Variants in DPP9 observed in about 807,000 individuals in gnomAD.
The protein encoded by DPP9 is dipeptidyl peptidase 9.
Under a neutral mutation model 110.7 loss-of-function variants are expected in DPP9, and 50 were observed. That is an observed-to-expected ratio of 0.45 (90% CI 0.36 to 0.57). DPP9 has a LOEUF of 0.57. Among genes scored for constraint, DPP9 ranks in the 20% least tolerant of loss-of-function variants. DPP9 has a pLI of 0.00. For missense variants in DPP9, 1,022 were observed against 1,217.9 expected (o/e 0.84, Z 2.39); for synonymous variants, 561 against 514.4 (o/e 1.09, Z -1.23).
chr19:4,703,723 C>A (rs370095921), intron 7 of DPP9, among the ~76,000 whole-genome samples, 163 bp downstream of exon 7: 5 of 150,886 alleles, frequency 3.3e-5, no homozygotes, highest in South Asian at 4.2e-4. Context: ...GCGGCAGGGA[C>A]GCCAGGACCT....
At position 4,718,680 on chromosome 19, in the gene DPP9, G is replaced by C. The variant is rs551148211; in HGVS notation, c.56+1171C>G. Among the ~76,000 whole-genome samples the C allele has an allele frequency of 6.6e-6, 1 of 152,278 alleles. No individual in the cohort carries two copies. Among genetic ancestry groups the C allele is most frequent in the African/African-American group, 2.4e-5 (1 of 41,566 alleles). The stretch of plus-strand genomic sequence containing the variant: ...ATTAAGTGTGTGCAGATAAGGGAAG[G>C]GACACAGATCCCCTTCAGTAACTGA... On this transcript the variant is annotated intron_variant, in intron 3 of 21. Coordinates refer to ENST00000262960, the MANE Select transcript of DPP9 (RefSeq NM_139159.5). This position sits in a 1 kb window ranked among gnomAD's most constrained non-coding sequence, Gnocchi z 4.3.
chr19:4,689,550 G>A lies in DPP9; in HGVS notation c.1749+20C>T, dbSNP rs367966300. ...TGTTGGACGGGCACAGGGCGGTGCC[G>A]TGAGGCTGGGCGGTCCCACCTGGCT... On this transcript the variant is annotated intron_variant, in intron 15 of 21. Coordinates refer to ENST00000262960, the MANE Select transcript of DPP9 (RefSeq NM_139159.5). This position sits in a 1 kb window ranked among gnomAD's most constrained non-coding sequence, Gnocchi z 7.0. 8.4e-5 allele frequency: 130 copies of A among 1,546,338 alleles called. No homozygotes were observed. The highest frequency in any genetic ancestry group is 1.1e-4 in the Non-Finnish European group (126 of 1,149,588).
In DPP9 at chr19:4,694,386, C is replaced by T; in HGVS notation, c.1516+275G>A. 2 of 525,500 alleles carry T rather than the reference C, an allele frequency of 3.8e-6. No homozygotes were observed. The highest frequency in any genetic ancestry group is 1.9e-5 in the African/African-American group (1 of 52,058). The allele number at this position is 525,500 out of a possible 1,614,324, so 32.6% of individuals were successfully genotyped here. On this transcript the variant is annotated intron_variant, in intron 13 of 21. Coordinates refer to ENST00000262960, the MANE Select transcript of DPP9 (RefSeq NM_139159.5). The surrounding 1 kb of genome is among the most constrained non-coding windows in gnomAD (Gnocchi z 4.0). ...AACACAGGTGGTGGGCCGGATTTGA[C>T]CTGTGGGCCGTAGGTGGCCAACCCC... is the stretch of plus-strand genomic sequence containing the variant.
In DPP9 at chr19:4,694,277, TCTG is replaced by T; in HGVS notation, c.1516+381_1516+383del. 2.6e-6 allele frequency: 1 copy of T among 380,212 alleles called. No individual in the cohort carries two copies. The highest frequency in any genetic ancestry group is 4.7e-6 in the Non-Finnish European group (1 of 211,994). The allele number at this position is 380,212 out of a possible 1,614,324, so 23.6% of individuals were successfully genotyped here. Reference sequence around the variant, plus strand: ...ACAGTTTCTGCTGGGACTACCCAGTTCTGCTGCTGCAGCACAAAAGCGACCACA... The same window carrying T: ...ACAGTTTCTGCTGGGACTACCCAGTTCTGCTGCAGCACAAAAGCGACCACA... On this transcript the variant is annotated intron_variant, in intron 13 of 21. Coordinates refer to ENST00000262960, the MANE Select transcript of DPP9 (RefSeq NM_139159.5). This position sits in a 1 kb window ranked among gnomAD's most constrained non-coding sequence, Gnocchi z 4.0.
rs1228070068 is a variant in DPP9 at position 4,684,953 on chromosome 19, G to A, written c.2032-144C>T. 2 of 1,072,670 alleles carry A rather than the reference G, an allele frequency of 1.9e-6. No homozygotes were observed. Among genetic ancestry groups the A allele is most frequent in the Admixed American group, 2.0e-5 (1 of 50,300 alleles). 66.4% of individuals were successfully genotyped at this position (1,072,670 alleles called of 1,614,324 possible). A position where few individuals can be genotyped will look rare whatever the true frequency, so the allele number is the denominator to read the frequency against. ...CACCTGTGCCCCGGAGGCTCTGGAT[G>A]GACACCTGGGAGTGGCAAGGCGGGA... is the stretch of plus-strand genomic sequence containing the variant. On this transcript the variant is annotated intron_variant, in intron 17 of 21. Coordinates refer to ENST00000262960, the MANE Select transcript of DPP9 (RefSeq NM_139159.5). This position sits in a 1 kb window ranked among gnomAD's most constrained non-coding sequence, Gnocchi z 4.8.
In DPP9 at chr19:4,679,811, CCG is replaced by C. The variant is rs760849482; in HGVS notation, c.2586+22_2586+23del. Reference sequence around the variant, plus strand: ...AGGGATCTGTCGGCTCGCGGAGGGGCCGAAGCCCCCAACAGCCACCCACCTGG... The same window carrying C: ...AGGGATCTGTCGGCTCGCGGAGGGGCAAGCCCCCAACAGCCACCCACCTGG... On this transcript the variant is annotated intron_variant, in intron 21 of 21. Transcript: ENST00000262960. 7 of 1,542,266 alleles carry C rather than the reference CCG, an allele frequency of 4.5e-6. No individual in the cohort carries two copies. In the African/African-American group the frequency reaches 8.2e-5, roughly 18 times the overall value.
Position 4,698,479 on chromosome 19 carries a change from C to T in DPP9, c.1075-828G>A, listed in dbSNP as rs1044963186. Among the ~76,000 whole-genome samples the T allele has an allele frequency of 5.9e-5, 9 of 152,138 alleles. No individual in the cohort carries two copies. The highest frequency in any genetic ancestry group is 1.7e-4 in the African/African-American group (7 of 41,436). On this transcript the variant is annotated intron_variant, in intron 10 of 21. Coordinates refer to ENST00000262960, the MANE Select transcript of DPP9 (RefSeq NM_139159.5). The surrounding 1 kb of genome is among the most constrained non-coding windows in gnomAD (Gnocchi z 4.2). ...TAAAACAGCCTGGCGGGGCCAGGTG[C>T]GGTGGCTCACACCTGTAATCCCAGC...
chr19:4,678,618 G>T (rs1599853678), intron 21 of DPP9, among the ~76,000 whole-genome samples: 1 of 152,148 alleles, frequency 6.6e-6, no homozygotes, highest in Non-Finnish European at 1.5e-5. Context: ...CACTCCCTGG[G>T]CTGCTTGGGA....
intron 21 of DPP9, among the ~76,000 whole-genome samples, chr19:4,678,353 T>C (rs2089205630): frequency 6.6e-6 from 1 of 152,168 alleles, no homozygotes; most frequent in African/African-American, 2.4e-5. Context: ...CCTCAAGTGA[T>C]CCACCCGCCT....
In DPP9 at chr19:4,676,772, G is replaced by T; in HGVS notation, c.2587-116C>A. The T allele has an allele frequency of 1.2e-6, 1 of 806,366 alleles. No homozygotes were observed. The highest frequency in any genetic ancestry group is 2.1e-6 in the Non-Finnish European group (1 of 486,588). The allele number at this position is 806,366 out of a possible 1,614,324, so 50.0% of individuals were successfully genotyped here. On this transcript the variant is annotated intron_variant, in intron 21 of 21. Coordinates refer to ENST00000262960, the MANE Select transcript of DPP9 (RefSeq NM_139159.5). This position sits in a 1 kb window ranked among gnomAD's most constrained non-coding sequence, Gnocchi z 4.0. ...GAAGGCGCAGGTGCTCTGAGGCCCA[G>T]TGATCTGGGTTTGAATCCCACCTCG...
Position 4,700,347 on chromosome 19 carries a change from G to A in DPP9, c.1013-70C>T, listed in dbSNP as rs2092156986. 6 of 1,374,556 alleles carry A rather than the reference G, an allele frequency of 4.4e-6. No individual in the cohort carries two copies. The highest frequency in any genetic ancestry group is 1.4e-5 in the African/African-American group (1 of 69,774). The allele number at this position is 1,374,556 out of a possible 1,614,324, so 85.1% of individuals were successfully genotyped here. ...TGTGTGCCGAGAGCCGGCACGGGGG[G>A]CCTGGGCTGTGGGGTGACGTCCACA... On this transcript the variant is annotated intron_variant, in intron 9 of 21. Transcript: ENST00000262960. The surrounding 1 kb of genome is among the most constrained non-coding windows in gnomAD (Gnocchi z 4.3).
chr19:4,683,866 C>T (rs1461891013), intron 18 of DPP9: 1 of 1,493,188 alleles, frequency 6.7e-7, no homozygotes, highest in Non-Finnish European at 9.0e-7. Context: ...AGCCACGTCC[C>T]CTCTGAGGGC....
At chr19:4,714,706 G>A (rs1337959346) in intron 3 of DPP9, among the ~76,000 whole-genome samples, 1 of 151,862 alleles carries the variant, frequency 6.6e-6, no homozygotes, top group East Asian at 1.9e-4. Context: ...CTGAATGACT[G>A]AAACCACCTC....
intron 16 of DPP9, chr19:4,686,069 C>A: frequency 4.1e-6 from 1 of 243,816 alleles, no homozygotes; most frequent in Non-Finnish European, 7.9e-6. Flanking sequence ...TGCAAAGCAA[C>A]AGTTGTTGTC....
At chr19:4,703,724 G>A (rs970201329) in intron 7 of DPP9, among the ~76,000 whole-genome samples, 162 bp downstream of exon 7, 9 of 152,146 alleles carry the variant, frequency 5.9e-5, no homozygotes, top group South Asian at 2.1e-4. Context: ...CGGCAGGGAC[G>A]CCAGGACCTC....
Position 4,718,836 on chromosome 19 carries a change from G to A in DPP9, c.56+1015C>T, listed in dbSNP as rs909374991. 6.6e-6 allele frequency among the ~76,000 whole-genome samples: 1 copy of A among 152,176 alleles called. No homozygotes were observed. Among genetic ancestry groups the A allele is most frequent in the African/African-American group, 2.4e-5 (1 of 41,434 alleles). On this transcript the variant is annotated intron_variant, in intron 3 of 21. Coordinates refer to ENST00000262960, the MANE Select transcript of DPP9 (RefSeq NM_139159.5). This position sits in a 1 kb window ranked among gnomAD's most constrained non-coding sequence, Gnocchi z 4.3. Reference sequence around the variant, plus strand: ...TTCAATTCCCTTCCCAGCTGAGCATGCTCCATTGAAGCAAACAAGCCTAAG... The same window carrying A: ...TTCAATTCCCTTCCCAGCTGAGCATACTCCATTGAAGCAAACAAGCCTAAG...
Position 4,695,018 on chromosome 19 carries a change from G to A in DPP9, c.1354-195C>T, listed in dbSNP as rs1289770597. On this transcript the variant is annotated intron_variant, in intron 12 of 21. Coordinates refer to ENST00000262960, the MANE Select transcript of DPP9 (RefSeq NM_139159.5). The surrounding 1 kb of genome is among the most constrained non-coding windows in gnomAD (Gnocchi z 4.7). ...ATAAATAAATTAGCCAGGCATGGTGGTGCAGGCTTGTGGTCCTAGCTACTC... is the reference window on the plus strand; with the variant it reads ...ATAAATAAATTAGCCAGGCATGGTGATGCAGGCTTGTGGTCCTAGCTACTC... 1 of 626,132 alleles carries A rather than the reference G, an allele frequency of 1.6e-6. No homozygotes were observed. Among genetic ancestry groups the A allele is most frequent in the East Asian group, 2.8e-5 (1 of 36,148 alleles). The allele number at this position is 626,132 out of a possible 1,614,324, so 38.8% of individuals were successfully genotyped here. A position where few individuals can be genotyped will look rare whatever the true frequency, so the allele number is the denominator to read the frequency against.
intron 20 of DPP9, among the ~76,000 whole-genome samples, chr19:4,680,621 C>T (rs1474222375): frequency 6.9e-6 from 1 of 145,940 alleles, no homozygotes; most frequent in Non-Finnish European, 1.5e-5. Context: ...GCAGGAGGAT[C>T]ACCTAAACCC....
At position 4,703,972 on chromosome 19, in the gene DPP9, G is replaced by T. The variant is rs370568559; in HGVS notation, c.683C>A (p.Ala228Asp). The T allele has an allele frequency of 1.9e-6, 3 of 1,613,930 alleles. No homozygotes were observed. Among genetic ancestry groups the T allele is most frequent in the Admixed American group, 1.7e-5 (1 of 60,014 alleles). ...GCTGTTATTGATGAAGGAGAAGAAGGCAGGGTCGGCAGGGCAGATTTTGGG... is the reference window on the plus strand; with the variant it reads ...GCTGTTATTGATGAAGGAGAAGAAGTCAGGGTCGGCAGGGCAGATTTTGGG... Reference protein sequence around the residue: ...MDPKICPADPAFFSFINNSDL... With the variant: ...MDPKICPADPDFFSFINNSDL... Residue 228 changes from alanine to aspartate, a missense_variant, in exon 7 of 22, where the codon GCC becomes GAC. Physicochemically the swap from Ala to Asp is moderately radical, Grantham distance 126 (BLOSUM62 -2). This residue lies in a region of DPP9 where 810 missense variants were observed against 920.6 expected (regional missense o/e 0.88). Transcript: ENST00000262960.
Sources: allele counts gnomAD v4.1 joint callset (sites outside exome capture counted in the v4.1 genomes callset), GRCh38; gene constraint gnomAD v4.1.1; regional missense constraint gnomAD v4.1.1; non-coding constraint Gnocchi (gnomAD v3.1); transcripts MANE v1.5; gene names NCBI Gene and HGNC (gene_info 2026-07-23, HGNC 2026-07-21).